Variants in PSMA6 observed in about 807,000 individuals in gnomAD.
PSMA6 encodes the protein proteasome subunit alpha type-6.
For missense variants in PSMA6, 170 were observed against 294.8 expected (o/e 0.58, Z 3.10); for synonymous variants, 88 against 97.7 (o/e 0.90, Z 0.59).
upstream of PSMA6, among the ~76,000 whole-genome samples, chr14:35,291,362 C>T (rs1213427157): frequency 6.6e-6 from 1 of 152,112 alleles, no homozygotes; most frequent in Non-Finnish European, 1.5e-5. Context: ...GGACTACAGG[C>T]GCCCGCCACC....
upstream of PSMA6, among the ~76,000 whole-genome samples, chr14:35,291,362 C>A (rs1213427157): frequency 6.6e-6 from 1 of 152,112 alleles, no homozygotes; most frequent in Admixed American, 6.5e-5. Flanking sequence ...GGACTACAGG[C>A]GCCCGCCACC....
chr14:35,310,929 T>C, intron 4 of PSMA6, 34 bp downstream of exon 4: 2 of 1,590,218 alleles, frequency 1.3e-6, no homozygotes, highest in Non-Finnish European at 1.7e-6. Context: ...AAATAATTGA[T>C]GAATTGAAAC....
chr14:35,299,573 C>T (rs976469009), intron 1 of PSMA6, among the ~76,000 whole-genome samples: 20 of 151,462 alleles, frequency 1.3e-4, no homozygotes, highest in Non-Finnish European at 2.4e-4. Context: ...CCACCCGCCT[C>T]GGCCTCCCAA....
At chr14:35,293,851 A>G (rs1342306378) in intron 1 of PSMA6, among the ~76,000 whole-genome samples, 3 of 152,224 alleles carry the variant, frequency 2.0e-5, no homozygotes, top group Non-Finnish European at 4.4e-5. Flanking sequence ...GTGAACAGGA[A>G]AAGTCACTCT....
At chr14:35,311,429 C>T (rs2051942918) in intron 4 of PSMA6, among the ~76,000 whole-genome samples, 1 of 152,164 alleles carries the variant, frequency 6.6e-6, no homozygotes, top group South Asian at 2.1e-4. Flanking sequence ...TTGTTTCTGA[C>T]ATTGTGTCAT....
In PSMA6 at chr14:35,311,039, A is replaced by C. The variant is rs2138751718; in HGVS notation, c.409+144A>C. 3.9e-6 allele frequency: 3 copies of C among 772,390 alleles called. No homozygotes were observed. The South Asian group carries it at 5.9e-5, about 15-fold the overall frequency. The allele number at this position is 772,390 out of a possible 1,614,324, so 47.8% of individuals were successfully genotyped here. ...AGTGGGAAAATCTTTATAATAAATC[A>C]GAACTAAAGGATAGGTTTCACAACA... is the stretch of plus-strand genomic sequence containing the variant. On this transcript the variant is annotated intron_variant, in intron 4 of 6. Transcript: ENST00000261479.
chr14:35,304,916 T>TA (rs2051795692), intron 1 of PSMA6, among the ~76,000 whole-genome samples: 1 of 151,994 alleles, frequency 6.6e-6, no homozygotes, highest in South Asian at 2.1e-4. Flanking sequence ...ACCCCATCTC[T>TA]AAAAAATTGT....
intron 1 of PSMA6, among the ~76,000 whole-genome samples, chr14:35,283,698 G>A (rs959156492): frequency 5.3e-5 from 8 of 151,812 alleles, no homozygotes; most frequent in Non-Finnish European, 1.0e-4. Context: ...TGGGACCGCT[G>A]GCACACACCC....
At chr14:35,291,483 G>A (rs1188774773), upstream of PSMA6, among the ~76,000 whole-genome samples, 1 of 152,118 alleles carries the variant, frequency 6.6e-6, no homozygotes, top group East Asian at 2.0e-4. Context: ...GTCTCCCAAA[G>A]TGCTGGGATT....
chr14:35,293,265 A>G (rs1453056653), intron 1 of PSMA6: 1 of 329,118 alleles, frequency 3.0e-6, no homozygotes, highest in Non-Finnish European at 6.0e-6. Flanking sequence ...GCCGATTCTG[A>G]GTTGTAGATG....
chr14:35,280,160 C>T (rs1482737481), intron 1 of PSMA6, among the ~76,000 whole-genome samples: 1 of 151,350 alleles, frequency 6.6e-6, no homozygotes, highest in East Asian at 2.0e-4. Context: ...TATTTTTCGG[C>T]CTGGCGCAAT....
chr14:35,301,112 T>C (rs1177526570), intron 1 of PSMA6, among the ~76,000 whole-genome samples: 1 of 152,142 alleles, frequency 6.6e-6, no homozygotes, highest in Non-Finnish European at 1.5e-5. Flanking sequence ...ATACCAGTAT[T>C]TCAGGAGCTG....
upstream of PSMA6, chr14:35,292,251 A>G (rs574406090): frequency 1.5e-6 from 2 of 1,324,972 alleles, no homozygotes; most frequent in South Asian, 1.8e-5. Flanking sequence ...GCGCAGGCGC[A>G]TACCTTCAAA....
rs371622026 is a variant in PSMA6, at chr14:35,292,462, A to C, written c.-15A>C. On this transcript the variant is annotated 5_prime_UTR_variant, in exon 1 of 7. Coordinates refer to ENST00000261479, the MANE Select transcript of PSMA6 (RefSeq NM_002791.3). Reference sequence around the variant, plus strand: ...GGGGCCCAGGGATTGTGTTTAAAGTAGTGCTTCTACCAACATGTCCCGTGG... The same window carrying C: ...GGGGCCCAGGGATTGTGTTTAAAGTCGTGCTTCTACCAACATGTCCCGTGG... 8.7e-6 allele frequency: 14 copies of C among 1,612,226 alleles called. No homozygotes were observed. The African/African-American group carries it at 1.5e-4, about 17-fold the overall frequency.
At chr14:35,282,820 A>G (rs894500197) in intron 1 of PSMA6, among the ~76,000 whole-genome samples, 2 of 151,688 alleles carry the variant, frequency 1.3e-5, no homozygotes, top group African/African-American at 4.8e-5. Flanking sequence ...GAGCCACTGC[A>G]CTCCAGCCTG....
chr14:35,309,400 A>G (rs934483657), intron 3 of PSMA6, among the ~76,000 whole-genome samples: 1 of 152,200 alleles, frequency 6.6e-6, no homozygotes, highest in Non-Finnish European at 1.5e-5. Context: ...TTGTAATCCC[A>G]GCACTTTGGG....
chr14:35,311,094 A>T, intron 4 of PSMA6, 199 bp downstream of exon 4: 1 of 502,256 alleles, frequency 2.0e-6, no homozygotes. Flanking sequence ...TAAGCTTTAG[A>T]TGCTGTTAGA....
chr14:35,295,353 T>TG (rs763556331), intron 1 of PSMA6, among the ~76,000 whole-genome samples: 5 of 151,338 alleles, frequency 3.3e-5, no homozygotes, highest in Non-Finnish European at 5.9e-5. Context: ...AAAAAAAAGT[T>TG]GTAATGCCAA....
intron 4 of PSMA6, among the ~76,000 whole-genome samples, chr14:35,311,938 T>A (rs1396910585): frequency 3.3e-5 from 5 of 151,362 alleles, no homozygotes; most frequent in South Asian, 2.1e-4. Flanking sequence ...ATTTCTATTT[T>A]AAAAAAAAAG....
Sources: allele counts gnomAD v4.1 joint callset (sites outside exome capture counted in the v4.1 genomes callset), GRCh38; gene constraint gnomAD v4.1.1; transcripts MANE v1.5; gene names NCBI Gene and HGNC (gene_info 2026-07-23, HGNC 2026-07-21).